SLC45A4: variants seen among roughly 807,000 people sequenced by gnomAD.
SLC45A4 encodes solute carrier family 45 member 4, also known as polyamine-transporter SLC45A4.
SLC45A4 carries 32 observed loss-of-function variants against 63.7 expected under a neutral mutation model. The observed-to-expected ratio is 0.50, with a 90% confidence interval of 0.38 to 0.67. The LOEUF (loss-of-function observed/expected upper bound fraction) is 0.67, where lower values mean the gene tolerates loss of function less well. Among genes scored for constraint, SLC45A4 ranks in the 30% least tolerant of loss-of-function variants. SLC45A4 has a pLI of 0.00. For synonymous variants in SLC45A4, 535 were observed against 510.0 expected, an observed-to-expected ratio of 1.05 and a Z score of -0.66; for missense variants, 1,027 against 1,157.7, an observed-to-expected ratio of 0.89 and a Z score of 1.64.
intron 1 of SLC45A4, among the ~76,000 whole-genome samples, chr8:141,292,438 C>T (rs1366964253): frequency 1.3e-5 from 2 of 152,278 alleles, no homozygotes; most frequent in Non-Finnish European, 2.9e-5. Context: ...GGCCGTGGAG[C>T]ACAGAGCCCC....
intron 1 of SLC45A4, among the ~76,000 whole-genome samples, chr8:141,257,727 G>A (rs576373408): frequency 6.6e-5 from 10 of 152,294 alleles, no homozygotes; most frequent in African/African-American, 2.4e-4. Context: ...CTCTGCTTGC[G>A]ACAACAGGGG....
intron 1 of SLC45A4, among the ~76,000 whole-genome samples, chr8:141,260,204 G>A (rs1418969301): frequency 6.6e-6 from 1 of 152,230 alleles, no homozygotes; most frequent in Non-Finnish European, 1.5e-5. Context: ...GACATCTTGA[G>A]TTTGTTTAAA....
At chr8:141,253,616 C>A (rs931137180) in intron 2 of SLC45A4, among the ~76,000 whole-genome samples, 1 of 151,232 alleles carries the variant, frequency 6.6e-6, no homozygotes, top group Non-Finnish European at 1.5e-5. Context: ...CATGACACAG[C>A]CAGTGACTGT....
intron 1 of SLC45A4, among the ~76,000 whole-genome samples, chr8:141,271,867 TCA>T (rs1399429746): frequency 4.7e-5 from 7 of 149,368 alleles, no homozygotes; most frequent in Middle Eastern, 3.5e-3. Flanking sequence ...ACACACGCAC[TCA>T]CACACGTGCA....
intron 1 of SLC45A4, among the ~76,000 whole-genome samples, chr8:141,297,121 T>C (rs1273228083): frequency 6.6e-6 from 1 of 152,132 alleles, no homozygotes; most frequent in Non-Finnish European, 1.5e-5. Context: ...AGTGAGGGCC[T>C]TGGGAGGAGG....
chr8:141,236,838 G>A (rs560977989), intron 2 of SLC45A4, among the ~76,000 whole-genome samples: 1 of 152,332 alleles, frequency 6.6e-6, no homozygotes, highest in East Asian at 1.9e-4. Flanking sequence ...GAGAGCCACT[G>A]GGCGGTGCCC....
chr8:141,293,869 G>T (rs1011429263), intron 1 of SLC45A4, among the ~76,000 whole-genome samples: 6 of 151,318 alleles, frequency 4.0e-5, no homozygotes, highest in Non-Finnish European at 8.8e-5. Context: ...GGAGGTGGAG[G>T]TTGCAGTGAG....
rs1829111222 is a variant in SLC45A4 at position 141,263,243 on chromosome 8, T to C, written c.-400-8614A>G. ...GTGGGGGGAGGGGGGAGGGATAGCA[T>C]GAAGAGATATACCTAATGTTAAATG... On this transcript the variant is annotated intron_variant, in intron 1 of 8. Transcript: ENST00000517878. Among the ~76,000 whole-genome samples, 5 of 148,816 alleles carry C rather than the reference T, an allele frequency of 3.4e-5. No individual in the cohort carries two copies. In the South Asian group the frequency reaches 8.7e-4, roughly 26 times the overall value.
Position 141,227,619 on chromosome 8 carries a change from A to G in SLC45A4, c.242-5854T>C, listed in dbSNP as rs1827093891. On this transcript the variant is annotated intron_variant, in intron 2 of 8. Transcript: ENST00000517878. This position sits in a 1 kb window ranked among gnomAD's most constrained non-coding sequence, Gnocchi z 4.4. ...ACTGGGCCGGGGGAGCCGGGCCCCCAGGGCTCGGGCCACCTGCTTGCAAGA... is the reference window on the plus strand; with the variant it reads ...ACTGGGCCGGGGGAGCCGGGCCCCCGGGGCTCGGGCCACCTGCTTGCAAGA... Among the ~76,000 whole-genome samples the G allele has an allele frequency of 6.6e-6, 1 of 152,022 alleles. No individual in the cohort carries two copies. Among genetic ancestry groups the G allele is most frequent in the Non-Finnish European group, 1.5e-5 (1 of 67,986 alleles).
intron 2 of SLC45A4, among the ~76,000 whole-genome samples, chr8:141,238,010 C>T (rs1827715411): frequency 6.6e-6 from 1 of 152,268 alleles, no homozygotes. Context: ...CATCCTTGCA[C>T]AAGAAGTTTC....
chr8:141,241,030 C>T (rs909862346), intron 2 of SLC45A4, among the ~76,000 whole-genome samples: 3 of 152,270 alleles, frequency 2.0e-5, no homozygotes, highest in East Asian at 1.9e-4. Flanking sequence ...CGCTTTGGGG[C>T]GCTGTGGGCC....
intron 3 of SLC45A4, 77 bp from the exon 4 acceptor site, chr8:141,219,906 G>T (rs1263660859): frequency 1.5e-6 from 2 of 1,379,094 alleles, no homozygotes; most frequent in Non-Finnish European, 1.9e-6. Flanking sequence ...CAGCCACATG[G>T]AAGGGGCATG....
intron 2 of SLC45A4, among the ~76,000 whole-genome samples, chr8:141,242,964 C>A (rs1349146860): frequency 2.0e-5 from 3 of 152,222 alleles, no homozygotes; most frequent in Non-Finnish European, 4.4e-5. Context: ...CAGCGGGGAG[C>A]CGGCAGGGCG....
intron 8 of SLC45A4, chr8:141,211,994 AT>A: frequency 7.7e-7 from 1 of 1,304,250 alleles, no homozygotes. Context: ...TTAGTGTGGT[AT>A]TTGCTTAGTA....
intron 2 of SLC45A4, among the ~76,000 whole-genome samples, chr8:141,250,312 C>T (rs191618221): frequency 6.6e-6 from 1 of 151,974 alleles, no homozygotes; most frequent in Non-Finnish European, 1.5e-5. Flanking sequence ...GTACAGTATT[C>T]AATAAATTAC....
At chr8:141,268,540 T>G (rs1829377029) in intron 1 of SLC45A4, among the ~76,000 whole-genome samples, 1 of 151,920 alleles carries the variant, frequency 6.6e-6, no homozygotes, top group Non-Finnish European at 1.5e-5. Flanking sequence ...AGGCTGGGAG[T>G]GGGGGCAGGG....
At chr8:141,240,575 A>G (rs1408522932) in intron 2 of SLC45A4, among the ~76,000 whole-genome samples, 1 of 152,160 alleles carries the variant, frequency 6.6e-6, no homozygotes, top group Non-Finnish European at 1.5e-5. Flanking sequence ...ACGCTTTTAA[A>G]AAGTGACCAC....
rs372829079 is a variant in SLC45A4, at chr8:141,207,442, CCTCT to C, written c.*4126_*4129del. The C allele has an allele frequency of 2.0e-5, 3 of 152,394 alleles. No homozygotes were observed. Among genetic ancestry groups the C allele is most frequent in the African/African-American group, 4.8e-5 (2 of 41,582 alleles). 9.4% of individuals were successfully genotyped at this position (152,394 alleles called of 1,614,324 possible). On this transcript the variant is annotated 3_prime_UTR_variant, in exon 9 of 9. Transcript: ENST00000517878. ...TGAGCGACACGACACTTCCTTACGA[CCTCT>C]CTCTCCTAAAACGTAACATTATGTG...
chr8:141,274,970 G>T (rs937848344), intron 1 of SLC45A4, among the ~76,000 whole-genome samples: 1 of 152,236 alleles, frequency 6.6e-6, no homozygotes, highest in Non-Finnish European at 1.5e-5. Flanking sequence ...CAGAGGAGAG[G>T]GCAGAACGGC....
Sources: gnomAD v4.1 joint callset for allele counts (sites outside exome capture counted in the v4.1 genomes callset) on GRCh38, gnomAD v4.1.1 for gene constraint, Gnocchi (gnomAD v3.1) non-coding constraint, MANE v1.5 for transcripts, NCBI Gene and HGNC (gene_info 2026-07-23, HGNC 2026-07-21) for gene names.